HDAC4: variants seen among roughly 807,000 people sequenced by gnomAD.
HDAC4 encodes the protein histone deacetylase 4.
In HDAC4, 16 loss-of-function variants were observed where a neutral mutation model predicts 135.1. The ratio of observed to expected loss-of-function variants is 0.12; its 90% CI spans 0.08 to 0.18. HDAC4 has a LOEUF of 0.18. HDAC4 is among the 10% of genes least tolerant of loss of function. The probability of loss-of-function intolerance (pLI) is 1.00; values close to 1 mark genes in which losing one functional copy is unlikely to be tolerated. For missense variants in HDAC4, 1,143 were observed against 1,511.8 expected (o/e 0.76, Z 4.05); for synonymous variants, 685 against 653.4 (o/e 1.05, Z -0.74).
intron 2 of HDAC4, among the ~76,000 whole-genome samples, chr2:239,337,877 T>G (rs1028725781): frequency 2.6e-5 from 4 of 151,878 alleles, no homozygotes; most frequent in Admixed American, 6.6e-5. Context: ...CAATTACAAA[T>G]AGCAAGAGAA....
In HDAC4 at chr2:239,307,933, G is replaced by A. The variant is rs1347360533; in HGVS notation, c.22+44745C>T. 1.3e-5 allele frequency among the ~76,000 whole-genome samples: 2 copies of A among 152,124 alleles called. No individual in the cohort carries two copies. Among genetic ancestry groups the A allele is most frequent in the African/African-American group, 2.4e-5 (1 of 41,430 alleles). On this transcript the variant is annotated intron_variant, in intron 2 of 26. Coordinates refer to ENST00000543185, the MANE Select transcript of HDAC4 (RefSeq NM_001378414.1). This position sits in a 1 kb window ranked among gnomAD's most constrained non-coding sequence, Gnocchi z 4.8. The stretch of plus-strand genomic sequence containing the variant: ...GAATTCCTGATCTCCACCTGAAAAC[G>A]GAACACAAGGCCCGGCAGCAACAGC...
intron 6 of HDAC4, among the ~76,000 whole-genome samples, chr2:239,158,169 C>T (rs1215335893): frequency 6.6e-6 from 1 of 152,022 alleles, no homozygotes; most frequent in African/African-American, 2.4e-5. Flanking sequence ...GTCTCACAAT[C>T]TCATGAAAAG....
chr2:239,148,072 G>A (rs2121981), intron 7 of HDAC4, among the ~76,000 whole-genome samples: 122,969 of 152,130 alleles, frequency 0.81, 50,422 homozygotes, highest in African/African-American at 0.94. Flanking sequence ...AATGTCCAGC[G>A]GCCAGCGAGG....
chr2:239,150,214 GACACACAGATAC>G (rs2042023301), intron 7 of HDAC4, among the ~76,000 whole-genome samples: 1 of 151,852 alleles, frequency 6.6e-6, no homozygotes, highest in Non-Finnish European at 1.5e-5. Context: ...TACACACACA[GACACACAGATAC>G]ACACACAGAA....
intron 4 of HDAC4, among the ~76,000 whole-genome samples, 161 bp downstream of exon 4, chr2:239,189,672 G>A (rs1033060247): frequency 2.0e-5 from 3 of 152,178 alleles, no homozygotes; most frequent in South Asian, 2.1e-4. Flanking sequence ...TGCTGCCCGC[G>A]GTTTGTTGCC....
At chr2:239,084,307 C>T (rs182732800) in intron 19 of HDAC4, 65 bp from the exon 20 acceptor site, 380 of 1,131,764 alleles carry the variant, frequency 3.4e-4, no homozygotes, top group Non-Finnish European at 4.6e-4. Context: ...CTCCACGGCC[C>T]GCCAGAGAGC....
chr2:239,169,250 T>A (rs930249472), intron 5 of HDAC4, among the ~76,000 whole-genome samples: 6 of 152,194 alleles, frequency 3.9e-5, no homozygotes, highest in Non-Finnish European at 5.9e-5. Context: ...ATACATAGGA[T>A]ACACCCTGGG....
At chr2:239,183,572 C>A (rs1443918094) in intron 4 of HDAC4, among the ~76,000 whole-genome samples, 1 of 152,356 alleles carries the variant, frequency 6.6e-6, no homozygotes, top group Non-Finnish European at 1.5e-5. Flanking sequence ...CCCACTGCCA[C>A]GTGCATGTGC....
chr2:239,189,468 A>C (rs2044762783), intron 4 of HDAC4, among the ~76,000 whole-genome samples: 1 of 152,262 alleles, frequency 6.6e-6, no homozygotes, highest in Admixed American at 6.5e-5. Flanking sequence ...AAGAAAACAC[A>C]GATTTGTCAA....
intron 7 of HDAC4, among the ~76,000 whole-genome samples, chr2:239,156,268 A>G (rs2042417442): frequency 6.6e-6 from 1 of 152,198 alleles, no homozygotes; most frequent in Non-Finnish European, 1.5e-5. Flanking sequence ...CCATCCCTGA[A>G]GGCCACAGGC....
At chr2:239,121,658 G>A (rs749619510) in intron 12 of HDAC4, among the ~76,000 whole-genome samples, 14 of 152,254 alleles carry the variant, frequency 9.2e-5, no homozygotes, top group Non-Finnish European at 1.9e-4. Context: ...GCCTGGAGGA[G>A]GGATCATCTC....
Position 239,307,910 on chromosome 2 carries a change from A to C in HDAC4, c.22+44768T>G, listed in dbSNP as rs1281762172. ...CATCACGTTTTGCCACTATCTCAGAATTCCTGATCTCCACCTGAAAACGGA... is the reference window on the plus strand; with the variant it reads ...CATCACGTTTTGCCACTATCTCAGACTTCCTGATCTCCACCTGAAAACGGA... On this transcript the variant is annotated intron_variant, in intron 2 of 26. Transcript: ENST00000543185. This position sits in a 1 kb window ranked among gnomAD's most constrained non-coding sequence, Gnocchi z 4.8. Among the ~76,000 whole-genome samples, 1 of 152,084 alleles carries C rather than the reference A, an allele frequency of 6.6e-6. No individual in the cohort carries two copies. The highest frequency in any genetic ancestry group is 2.4e-5 in the African/African-American group (1 of 41,406).
intron 16 of HDAC4, among the ~76,000 whole-genome samples, chr2:239,102,305 T>C (rs550683785): frequency 2.6e-4 from 40 of 152,286 alleles, no homozygotes; most frequent in Middle Eastern, 3.4e-3. Flanking sequence ...GAAAGTTCTC[T>C]CCATGAGGCT....
At chr2:239,059,433 G>A (rs1428284323) in intron 24 of HDAC4, among the ~76,000 whole-genome samples, 1 of 151,964 alleles carries the variant, frequency 6.6e-6, no homozygotes, top group Non-Finnish European at 1.5e-5. Context: ...ACCCAAGTTC[G>A]GGGGGGTACA....
chr2:239,098,366 C>G (rs2037307803), intron 16 of HDAC4, among the ~76,000 whole-genome samples: 2 of 152,370 alleles, frequency 1.3e-5, no homozygotes, highest in East Asian at 3.9e-4. Context: ...GTGCCTGGGG[C>G]AGGGAAGGCT....
intron 8 of HDAC4, among the ~76,000 whole-genome samples, chr2:239,143,101 C>T (rs2041512361): frequency 1.3e-5 from 2 of 152,186 alleles, no homozygotes; most frequent in African/African-American, 4.8e-5. Flanking sequence ...AATTACATCA[C>T]AAGCTCCTTC....
At chr2:239,136,113 GCAAA>G (rs948588653) in intron 9 of HDAC4, among the ~76,000 whole-genome samples, 1 of 152,184 alleles carries the variant, frequency 6.6e-6, no homozygotes, top group Non-Finnish European at 1.5e-5. Context: ...GAATGAATGG[GCAAA>G]CAAAGAGAAG....
intron 2 of HDAC4, among the ~76,000 whole-genome samples, chr2:239,263,017 G>T (rs151174311): frequency 7.2e-5 from 11 of 152,240 alleles, no homozygotes; most frequent in African/African-American, 2.6e-4. Flanking sequence ...ATGAAGACAC[G>T]AGAGAATGAA....
At chr2:239,176,669 G>T in intron 4 of HDAC4, 106 bp from the exon 5 acceptor site, 1 of 1,054,822 alleles carries the variant, frequency 9.5e-7, no homozygotes, top group Non-Finnish European at 1.4e-6. Flanking sequence ...CGTCTGCCCT[G>T]GTGTGGCCCT....
Sources: gnomAD v4.1 joint callset for allele counts (sites outside exome capture counted in the v4.1 genomes callset) on GRCh38, gnomAD v4.1.1 for gene constraint, Gnocchi (gnomAD v3.1) non-coding constraint, MANE v1.5 for transcripts, NCBI Gene and HGNC (gene_info 2026-07-23, HGNC 2026-07-21) for gene names.